Variants in PIGB observed in about 807,000 individuals in gnomAD.
PIGB encodes the protein phosphatidylinositol glycan anchor biosynthesis class B.
A neutral mutation model predicts 68.4 loss-of-function variants in PIGB; 58 were observed. That is an observed-to-expected ratio of 0.85 (90% CI 0.69 to 1.06). The LOEUF (loss-of-function observed/expected upper bound fraction) is 1.06. Among genes scored for constraint, PIGB ranks in the 50% least tolerant of loss-of-function variants. The pLI, the probability that PIGB is intolerant of heterozygous loss-of-function variation, is 0.00. For synonymous variants in PIGB, 219 were observed against 220.5 expected, an observed-to-expected ratio of 0.99 and a Z score of 0.06; for missense variants, 634 against 655.8, an observed-to-expected ratio of 0.97 and a Z score of 0.36.
Position 55,355,313 on chromosome 15 carries a change from A to G in PIGB, c.1546A>G (p.Asn516Asp). Reference sequence around the variant, plus strand: ...AATAAGCGCTTTCCTAATTTCAAGCAATTATAAAAGAACTGCTGTTTTCTT... The same window carrying G: ...AATAAGCGCTTTCCTAATTTCAAGCGATTATAAAAGAACTGCTGTTTTCTT... Reference protein sequence around the residue: ...EEISAFLISSNYKRTAVFFHT... With the variant: ...EEISAFLISSDYKRTAVFFHT... The change falls in exon 12 of 12, where the codon AAT becomes GAT. Residue 516 changes from asparagine (N) to aspartate (D), a missense_variant. Coordinates refer to ENST00000164305, the MANE Select transcript of PIGB (RefSeq NM_004855.5). The G allele has an allele frequency of 6.2e-7, 1 of 1,610,108 alleles. No homozygotes were observed. The highest frequency in any genetic ancestry group is 1.3e-5 in the African/African-American group (1 of 74,910).
rs1595765471 is a variant in PIGB at position 55,321,389 on chromosome 15, T to A, written c.416T>A (p.Leu139Gln). Reference sequence around the variant, plus strand: ...TTAGGGAAAGATAGTGTTCAGTTGCTGGTAAGTTTAAATAAAAGTAACTAA... The same window carrying A: ...TTAGGGAAAGATAGTGTTCAGTTGCAGGTAAGTTTAAATAAAAGTAACTAA... The part of the protein sequence containing the change: ...HLLGKDSVQL[L>Q]IWIPRLAQAL... Residue 139 changes from leucine (L) to glutamine (Q), a missense_variant and splice_region_variant, in exon 3 of 12, where the codon CTG (leucine) becomes CAG (glutamine). Physicochemically the swap from Leu to Gln is moderately radical, Grantham distance 113. Coordinates refer to ENST00000164305, the MANE Select transcript of PIGB (RefSeq NM_004855.5). The A allele has an allele frequency of 6.3e-7, 1 of 1,586,702 alleles. No homozygotes were observed. The highest frequency in any genetic ancestry group is 1.3e-5 in the African/African-American group (1 of 74,296).
intron 5 of PIGB, among the ~76,000 whole-genome samples, chr15:55,333,304 T>C (rs994554300): frequency 5.3e-5 from 8 of 152,238 alleles, no homozygotes; most frequent in African/African-American, 1.9e-4. Context: ...AAAGTTAATA[T>C]AGCTATTTAG....
At chr15:55,341,419 T>A (rs1472561328) in intron 8 of PIGB, among the ~76,000 whole-genome samples, 3 of 152,152 alleles carry the variant, frequency 2.0e-5, no homozygotes, top group Non-Finnish European at 4.4e-5. Context: ...AGAAATACAT[T>A]CTAAAATAAA....
chr15:55,335,049 T>C (rs1179892131), intron 6 of PIGB, among the ~76,000 whole-genome samples: 1 of 152,190 alleles, frequency 6.6e-6, no homozygotes, highest in Non-Finnish European at 1.5e-5. Flanking sequence ...CACAGATACA[T>C]AGCATTGTGT....
At chr15:55,320,503 C>T (rs1482946195) in intron 2 of PIGB, 93 bp downstream of exon 2, 24 of 1,153,902 alleles carry the variant, frequency 2.1e-5, no homozygotes, top group East Asian at 1.4e-4. Context: ...CTTGCTCCCT[C>T]GTCTTCAGTA....
chr15:55,354,083 G>A (rs958865550), intron 10 of PIGB, among the ~76,000 whole-genome samples: 8 of 151,388 alleles, frequency 5.3e-5, no homozygotes, highest in Non-Finnish European at 1.0e-4. Context: ...AGGCTGAGGC[G>A]GGTGGATCAC....
intron 8 of PIGB, 71 bp downstream of exon 8, chr15:55,340,894 A>C: frequency 9.6e-7 from 1 of 1,037,642 alleles, no homozygotes; most frequent in Non-Finnish European, 1.4e-6. Flanking sequence ...TTCTTCAAAA[A>C]GTAAACTTTA....
Position 55,355,329 on chromosome 15 carries a change from C to G in PIGB, c.1562C>G (p.Ala521Gly). The change falls in exon 12 of 12, where the codon GCT becomes GGT. Residue 521 changes from alanine (A) to glycine (G), a missense_variant. By Grantham distance (60) the Ala-to-Gly change is moderately conservative (BLOSUM62 0). Transcript: ENST00000164305. ...ATTTCAAGCAATTATAAAAGAACTG[C>G]TGTTTTCTTCCACACTCACTTGCCA... Reference protein sequence around the residue: ...FLISSNYKRTAVFFHTHLPEG... With the variant: ...FLISSNYKRTGVFFHTHLPEG... The G allele has an allele frequency of 6.2e-7, 1 of 1,610,906 alleles. No homozygotes were observed. The highest frequency in any genetic ancestry group is 8.5e-7 in the Non-Finnish European group (1 of 1,177,484).
intron 1 of PIGB, 52 bp downstream of exon 1, chr15:55,319,465 C>G: frequency 7.2e-7 from 1 of 1,392,948 alleles, no homozygotes; most frequent in Non-Finnish European, 9.7e-7. Flanking sequence ...TAAAAGGAAC[C>G]CCCTCCATTT....
intron 10 of PIGB, among the ~76,000 whole-genome samples, chr15:55,351,189 G>A (rs2141219634): frequency 6.7e-6 from 1 of 148,414 alleles, no homozygotes; most frequent in Non-Finnish European, 1.5e-5. Flanking sequence ...CTCACTGCAA[G>A]CTCCGCCTCC....
At chr15:55,333,257 A>C (rs2055459519) in intron 5 of PIGB, among the ~76,000 whole-genome samples, 1 of 152,214 alleles carries the variant, frequency 6.6e-6, no homozygotes, top group African/African-American at 2.4e-5. Context: ...TTAAAAGATA[A>C]GAAAAACTAA....
chr15:55,339,177 T>C (rs1330104461), intron 6 of PIGB, 90 bp from the exon 7 acceptor site: 1 of 848,444 alleles, frequency 1.2e-6, no homozygotes, highest in African/African-American at 1.7e-5. Context: ...TATAGTGGCT[T>C]TTGATGCAAG....
intron 9 of PIGB, among the ~76,000 whole-genome samples, chr15:55,345,060 T>C (rs2055761220): frequency 1.3e-5 from 2 of 151,638 alleles, no homozygotes; most frequent in Admixed American, 6.6e-5. Context: ...CACAGCCAGC[T>C]AATTTTTGTA....
chr15:55,320,865 C>A (rs1436068070), intron 2 of PIGB, among the ~76,000 whole-genome samples: 1 of 152,004 alleles, frequency 6.6e-6, no homozygotes, highest in African/African-American at 2.4e-5. Flanking sequence ...CAAAGTATAC[C>A]ATTATTTTAT....
intron 10 of PIGB, among the ~76,000 whole-genome samples, chr15:55,351,260 A>G (rs1349381070): frequency 2.0e-5 from 3 of 151,624 alleles, no homozygotes; most frequent in Admixed American, 2.0e-4. Flanking sequence ...GGTGCCTGCC[A>G]CCATGCCCGG....
chr15:55,337,637 G>T (rs1312601013), intron 6 of PIGB, among the ~76,000 whole-genome samples: 3 of 152,158 alleles, frequency 2.0e-5, no homozygotes, highest in African/African-American at 7.2e-5. Context: ...TGCCAAAAAG[G>T]TTAGGGACCG....
intron 3 of PIGB, among the ~76,000 whole-genome samples, chr15:55,327,137 TTATAA>T (rs1185897428): frequency 3.6e-4 from 53 of 148,228 alleles, no homozygotes; most frequent in African/African-American, 1.2e-3. Flanking sequence ...AAAAATATAT[TTATAA>T]TATATGTGTG....
Position 55,341,737 on chromosome 15 carries a change from G to T in PIGB, c.1059-1G>T. 7.3e-7 allele frequency: 1 copy of T among 1,367,528 alleles called. No individual in the cohort carries two copies. The highest frequency in any genetic ancestry group is 9.8e-7 in the Non-Finnish European group (1 of 1,017,960). 84.7% of individuals were successfully genotyped at this position (1,367,528 alleles called of 1,614,324 possible). On this transcript the variant is annotated splice_acceptor_variant, in intron 8 of 11. Coordinates refer to ENST00000164305, the MANE Select transcript of PIGB (RefSeq NM_004855.5). LOFTEE classifies it high-confidence loss of function. The stretch of plus-strand genomic sequence containing the variant: ...TTTAATAATATTTGTTTTTATTACA[G>T]CATGTTGAGCCACAAAGAATTCAGG...
intron 9 of PIGB, among the ~76,000 whole-genome samples, chr15:55,347,983 CTTTTTTTTTTTTT>C (rs576991463): frequency 4.3e-5 from 4 of 94,006 alleles, no homozygotes; most frequent in Non-Finnish European, 8.5e-5. Flanking sequence ...GCCATAGTTT[CTTTTTTTTTTTTT>C]TTTTTTTTTT....
Sources: gnomAD v4.1 joint callset for allele counts (sites outside exome capture counted in the v4.1 genomes callset) on GRCh38, gnomAD v4.1.1 for gene constraint, MANE v1.5 for transcripts, NCBI Gene and HGNC (gene_info 2026-07-23, HGNC 2026-07-21) for gene names.